SPACA9: variants seen among roughly 807,000 people sequenced by gnomAD.
SPACA9 encodes sperm acrosome associated 9, also known as sperm acrosome-associated protein 9.
A neutral mutation model predicts 12.5 loss-of-function variants in SPACA9; 14 were observed. That is an observed-to-expected ratio of 1.12 (90% CI 0.74 to 1.75). The LOEUF is 1.75. Among genes scored for constraint, SPACA9 ranks in the 40% most tolerant of loss-of-function variants. The pLI, the probability that SPACA9 is intolerant of heterozygous loss-of-function variation, is 0.00. For synonymous variants in SPACA9, 111 were observed against 114.1 expected (o/e 0.97, Z 0.17); for missense variants, 292 against 291.9 (o/e 1.00, Z 0.00).
upstream of SPACA9, chr9:132,878,397 C>T (rs570701949): frequency 4.0e-5 from 50 of 1,242,236 alleles, no homozygotes; most frequent in East Asian, 9.9e-4. This position sits in a 1 kb window ranked among gnomAD's most constrained non-coding sequence, Gnocchi z 4.7. Context: ...GCGGGTCGCC[C>T]CCGCCCCGAC....
At chr9:132,878,562 A>G (rs113359460), upstream of SPACA9, 441 of 1,148,578 alleles carry the variant, frequency 3.8e-4, 2 homozygotes, top group African/African-American at 4.1e-3. The surrounding 1 kb of genome is among the most constrained non-coding windows in gnomAD (Gnocchi z 4.7). Flanking sequence ...AGAAGGGGCA[A>G]GTCGGCCCTC....
intron 1 of SPACA9, among the ~76,000 whole-genome samples, chr9:132,880,822 CTTTTTTTTTT>C (rs900840677): frequency 2.9e-5 from 4 of 137,746 alleles, no homozygotes; most frequent in Non-Finnish European, 4.7e-5. Flanking sequence ...GTGCAGCTAT[CTTTTTTTTTT>C]TTTTTTTTGA....
upstream of SPACA9, chr9:132,878,381 G>A: frequency 8.0e-7 from 1 of 1,244,846 alleles, no homozygotes; most frequent in Non-Finnish European, 1.0e-6. This position sits in a 1 kb window ranked among gnomAD's most constrained non-coding sequence, Gnocchi z 4.7. Context: ...CCCGATCCTC[G>A]GTCGCGCGGG....
Position 132,889,348 on chromosome 9 carries a change from C to T in SPACA9, c.*737C>T, listed in dbSNP as rs953233470. The T allele has an allele frequency of 1.0e-5, 10 of 985,398 alleles. No homozygotes were observed. The highest frequency in any genetic ancestry group is 5.2e-4 in the Middle Eastern group (1 of 1,936). The allele number at this position is 985,398 out of a possible 1,614,324, so 61.0% of individuals were successfully genotyped here. On this transcript the variant is annotated 3_prime_UTR_variant, in exon 4 of 4. Coordinates refer to ENST00000356311, the MANE Select transcript of SPACA9 (RefSeq NM_001316897.2). ...CTGTAGGCAAGGCACACGCTGTTTGCGAGCCAGGGATGCTCCCCTCCAGGA... is the reference window on the plus strand; with the variant it reads ...CTGTAGGCAAGGCACACGCTGTTTGTGAGCCAGGGATGCTCCCCTCCAGGA...
chr9:132,883,762 G>A, intron 1 of SPACA9, 149 bp from the exon 2 acceptor site: 1 of 638,648 alleles, frequency 1.6e-6, no homozygotes, highest in Non-Finnish European at 2.8e-6. Context: ...AGCCTCCCAG[G>A]GCCTCGCTTT....
At chr9:132,884,789 A>G (rs951723929) in intron 2 of SPACA9, among the ~76,000 whole-genome samples, 2 of 152,240 alleles carry the variant, frequency 1.3e-5, no homozygotes, top group Non-Finnish European at 2.9e-5. Context: ...CTCGGGAGGA[A>G]CAAGCAACCC....
intron 2 of SPACA9, among the ~76,000 whole-genome samples, chr9:132,885,062 G>A (rs939677831): frequency 3.9e-5 from 6 of 151,910 alleles, no homozygotes; most frequent in Non-Finnish European, 7.4e-5. Context: ...GCAGTGAGCC[G>A]ATATTGCGCC....
rs768981631 is a variant in SPACA9, at chr9:132,884,001, C to CCAG, written c.65_67dup (p.Gln22dup). On this transcript the variant is annotated inframe_insertion, in exon 2 of 4. Coordinates refer to ENST00000356311, the MANE Select transcript of SPACA9 (RefSeq NM_001316897.2). Reference sequence around the variant, plus strand: ...GCATCGAGCAGAAGTACAAGCTCTTCCAGCAGCAGCAGCTCACCTTCACCG... The same window carrying CCAG: ...GCATCGAGCAGAAGTACAAGCTCTTCCAGCAGCAGCAGCAGCTCACCTTCACCG... 10 of 1,614,060 alleles carry CCAG rather than the reference C, an allele frequency of 6.2e-6. No individual in the cohort carries two copies. The East Asian group carries it at 6.7e-5, about 11-fold the overall frequency.
At chr9:132,890,059 T>G (rs1844711947), downstream of SPACA9, 3 of 1,338,616 alleles carry the variant, frequency 2.2e-6, no homozygotes, top group Admixed American at 2.7e-5. Context: ...TCCTGGGATT[T>G]ATCCCTGAAA....
At position 132,889,205 on chromosome 9, in the gene SPACA9, G is replaced by A. The variant is rs1844667483; in HGVS notation, c.*594G>A. 2 of 986,426 alleles carry A rather than the reference G, an allele frequency of 2.0e-6. No individual in the cohort carries two copies. Among genetic ancestry groups the A allele is most frequent in the Non-Finnish European group, 1.2e-6 (1 of 830,702 alleles). The allele number at this position is 986,426 out of a possible 1,614,324, so 61.1% of individuals were successfully genotyped here. ...CAGGAGGGCACTGAACTGTCACCTAGGTCCTCTTTGAGCCACATCCGGCTC... is the reference window on the plus strand; with the variant it reads ...CAGGAGGGCACTGAACTGTCACCTAAGTCCTCTTTGAGCCACATCCGGCTC... On this transcript the variant is annotated 3_prime_UTR_variant, in exon 4 of 4. Transcript: ENST00000356311.
rs201306027 is a variant in SPACA9 at position 132,889,937 on chromosome 9, G to C, written c.*1326G>C. 3 of 1,485,396 alleles carry C rather than the reference G, an allele frequency of 2.0e-6. No homozygotes were observed. Among genetic ancestry groups the C allele is most frequent in the African/African-American group, 2.8e-5 (2 of 70,538 alleles). The allele number at this position is 1,485,396 out of a possible 1,614,324, so 92.0% of individuals were successfully genotyped here. ...AGCTTGCCCAAAGTAATGTCTGACTGTTGGTTTTTCCCTTCACAGGGGACG... is the reference window on the plus strand; with the variant it reads ...AGCTTGCCCAAAGTAATGTCTGACTCTTGGTTTTTCCCTTCACAGGGGACG... On this transcript the variant is annotated 3_prime_UTR_variant, in exon 4 of 4. Transcript: ENST00000356311.
chr9:132,887,671 G>A lies in SPACA9; in HGVS notation c.347+100G>A, dbSNP rs2231407. The A allele has an allele frequency of 4.5e-3, 4,376 of 971,894 alleles. 68 individuals carry two copies. The highest frequency in any genetic ancestry group is 0.036 in the African/African-American group (2,270 of 62,208). The allele number at this position is 971,894 out of a possible 1,614,324, so 60.2% of individuals were successfully genotyped here. A position where few individuals can be genotyped will look rare whatever the true frequency, so the allele number is the denominator to read the frequency against. ...TGCCTGGATCATGGTGCTCCTATTA[G>A]ACCACCCCGGGCAGGAAATCCCAGT... On this transcript the variant is annotated intron_variant, in intron 3 of 3. Transcript: ENST00000356311. The surrounding 1 kb of genome is among the most constrained non-coding windows in gnomAD (Gnocchi z 5.4).
At position 132,889,110 on chromosome 9, in the gene SPACA9, G is replaced by T; in HGVS notation, c.*499G>T. On this transcript the variant is annotated 3_prime_UTR_variant, in exon 4 of 4. Coordinates refer to ENST00000356311, the MANE Select transcript of SPACA9 (RefSeq NM_001316897.2). ...CTAACATTTCCACTTCTAAGCATCA[G>T]GCTCCGTGCTGATGAAGAGGAAACC... 1.0e-6 allele frequency: 1 copy of T among 992,552 alleles called. No homozygotes were observed. The allele number at this position is 992,552 out of a possible 1,614,324, so 61.5% of individuals were successfully genotyped here. A position where few individuals can be genotyped will look rare whatever the true frequency, so the allele number is the denominator to read the frequency against.
rs888479252 is a variant in SPACA9, at chr9:132,889,152, C to T, written c.*541C>T. 2.0e-6 allele frequency: 2 copies of T among 990,080 alleles called. No individual in the cohort carries two copies. Among genetic ancestry groups the T allele is most frequent in the Admixed American group, 5.7e-5 (1 of 17,542 alleles). 61.3% of individuals were successfully genotyped at this position (990,080 alleles called of 1,614,324 possible). A position where few individuals can be genotyped will look rare whatever the true frequency, so the allele number is the denominator to read the frequency against. On this transcript the variant is annotated 3_prime_UTR_variant, in exon 4 of 4. Transcript: ENST00000356311. Reference sequence around the variant, plus strand: ...GAGGAAACCCACTTACAGAAGTTGCCCAAACAGGATGGTGTGGTAGAGGGT... The same window carrying T: ...GAGGAAACCCACTTACAGAAGTTGCTCAAACAGGATGGTGTGGTAGAGGGT...
At chr9:132,880,082 C>T (rs1490357768) in intron 1 of SPACA9, among the ~76,000 whole-genome samples, 3 of 152,220 alleles carry the variant, frequency 2.0e-5, no homozygotes, top group Non-Finnish European at 4.4e-5. Context: ...ACACAACAGC[C>T]ATGCCTGCCA....
chr9:132,887,004 G>T lies in SPACA9; in HGVS notation c.145-365G>T, dbSNP rs1309311730. 6.6e-6 allele frequency among the ~76,000 whole-genome samples: 1 copy of T among 151,944 alleles called. No individual in the cohort carries two copies. The highest frequency in any genetic ancestry group is 1.5e-5 in the Non-Finnish European group (1 of 68,012). On this transcript the variant is annotated intron_variant, in intron 2 of 3. Coordinates refer to ENST00000356311, the MANE Select transcript of SPACA9 (RefSeq NM_001316897.2). This position sits in a 1 kb window ranked among gnomAD's most constrained non-coding sequence, Gnocchi z 5.4. ...TTTTTTTTTTCCTAGTAGAGATGGG[G>T]TTTCACCATGTTGACCAGGCTGGTC... is the stretch of plus-strand genomic sequence containing the variant.
intron 1 of SPACA9, among the ~76,000 whole-genome samples, chr9:132,881,201 G>A (rs1844415415): frequency 6.7e-6 from 1 of 150,038 alleles, no homozygotes; most frequent in South Asian, 2.1e-4. Flanking sequence ...TGAGGTGGGA[G>A]GATCGCTGGA....
rs1286757526 is a variant in SPACA9, at chr9:132,887,830, C to A, written c.347+259C>A. On this transcript the variant is annotated intron_variant, in intron 3 of 3. Transcript: ENST00000356311. This position sits in a 1 kb window ranked among gnomAD's most constrained non-coding sequence, Gnocchi z 5.4. Reference sequence around the variant, plus strand: ...GGAGAAGGGGGTGTAGAGCCCAGAGCAGTTGCCCCCAGAAGCCCACAGAGA... The same window carrying A: ...GGAGAAGGGGGTGTAGAGCCCAGAGAAGTTGCCCCCAGAAGCCCACAGAGA... Among the ~76,000 whole-genome samples, 3 of 151,652 alleles carry A rather than the reference C, an allele frequency of 2.0e-5. No individual in the cohort carries two copies. Among genetic ancestry groups the A allele is most frequent in the Non-Finnish European group, 1.5e-5 (1 of 67,872 alleles).
rs1844657701 is a variant in SPACA9 at position 132,888,984 on chromosome 9, G to A, written c.*373G>A. 1 of 718,230 alleles carries A rather than the reference G, an allele frequency of 1.4e-6. No individual in the cohort carries two copies. The allele number at this position is 718,230 out of a possible 1,614,324, so 44.5% of individuals were successfully genotyped here. ...GCGTTTCACCATGTTAGCCAGGATG[G>A]TCTCAATCTCCTGACCTCATGATCT... On this transcript the variant is annotated 3_prime_UTR_variant, in exon 4 of 4. Coordinates refer to ENST00000356311, the MANE Select transcript of SPACA9 (RefSeq NM_001316897.2). The surrounding 1 kb of genome is among the most constrained non-coding windows in gnomAD (Gnocchi z 5.0).
Sources: allele counts gnomAD v4.1 joint callset (sites outside exome capture counted in the v4.1 genomes callset), GRCh38; gene constraint gnomAD v4.1.1; non-coding constraint Gnocchi (gnomAD v3.1); transcripts MANE v1.5; gene names NCBI Gene and HGNC (gene_info 2026-07-23, HGNC 2026-07-21).